The following MAPK4 variants were observed in gnomAD, a reference collection of about 807,000 sequenced individuals.
MAPK4 encodes mitogen-activated protein kinase 4.
A neutral mutation model predicts 47.7 loss-of-function variants in MAPK4; 22 were observed. The ratio of observed to expected loss-of-function variants is 0.46; its 90% confidence interval spans 0.33 to 0.66. MAPK4 has a LOEUF of 0.66. MAPK4 is among the 30% of genes least tolerant of loss of function. The pLI, the probability that MAPK4 is intolerant of heterozygous loss-of-function variation, is 0.02. For synonymous variants in MAPK4, 390 were observed against 365.7 expected (o/e 1.07, Z -0.76); for missense variants, 736 against 831.7 (o/e 0.88, Z 1.42).
intron 1 of MAPK4, among the ~76,000 whole-genome samples, chr18:50,624,928 G>A (rs991251618): frequency 7.9e-5 from 12 of 152,098 alleles, no homozygotes; most frequent in Admixed American, 1.3e-4. Context: ...AGCTTAAAGA[G>A]TGTTGGGTCA....
At chr18:50,691,028 T>C (rs1909185017) in intron 2 of MAPK4, among the ~76,000 whole-genome samples, 1 of 151,728 alleles carries the variant, frequency 6.6e-6, no homozygotes, top group African/African-American at 2.4e-5. Context: ...GGTCTCGCTG[T>C]GTCGCCCAGG....
intron 2 of MAPK4, chr18:50,704,723 A>G: frequency 5.0e-6 from 2 of 398,610 alleles, no homozygotes; most frequent in Non-Finnish European, 8.8e-6. Context: ...GGCCTAATGG[A>G]GGACTCTGTG....
intron 2 of MAPK4, among the ~76,000 whole-genome samples, chr18:50,702,874 C>T (rs16952429): frequency 0.016 from 2,461 of 152,296 alleles, 61 homozygotes; most frequent in African/African-American, 0.056. Flanking sequence ...TTTATAAAGG[C>T]CTGTTAAAAG....
Position 50,726,062 on chromosome 18 carries a change from T to G in MAPK4, c.954T>G (p.Pro318=), listed in dbSNP as rs1399676644. 6.2e-7 allele frequency: 1 copy of G among 1,614,084 alleles called. No homozygotes were observed. The highest frequency in any genetic ancestry group is 8.5e-7 in the Non-Finnish European group (1 of 1,180,018). Residue 318 remains proline, a synonymous_variant, in exon 5 of 6, where the codon CCT becomes CCG. Transcript: ENST00000400384. ...QHPYMSPYSC[P]EDEPTSQHPF... ...CCTACATGAGCCCATACTCGTGCCC[T>G]GAGGACGAGCCCACCTCACAACACC...
chr18:50,688,655 A>G (rs187896998), intron 2 of MAPK4, among the ~76,000 whole-genome samples: 2 of 152,086 alleles, frequency 1.3e-5, no homozygotes, highest in Non-Finnish European at 2.9e-5. Context: ...CAAACATTGT[A>G]TGTTCTCACT....
At chr18:50,650,982 C>T (rs1276163806) in intron 1 of MAPK4, among the ~76,000 whole-genome samples, 1 of 152,194 alleles carries the variant, frequency 6.6e-6, no homozygotes, top group Non-Finnish European at 1.5e-5. Context: ...ATGGGTTGGG[C>T]CTGCTCCAAA....
At chr18:50,692,991 C>T (rs989953934) in intron 2 of MAPK4, among the ~76,000 whole-genome samples, 3 of 152,182 alleles carry the variant, frequency 2.0e-5, no homozygotes, top group Non-Finnish European at 2.9e-5. Context: ...CACGGTGGCT[C>T]ACGCCTGTAA....
Position 50,716,590 on chromosome 18 carries a change from G to C in MAPK4, c.691+1367G>C, listed in dbSNP as rs1598949269. ...GTGAGGCCAGTCTCCACACGCTCTG[G>C]CTGCAGCATGAGCCCCGTGGGCCTG... On this transcript the variant is annotated intron_variant, in intron 3 of 5. Coordinates refer to ENST00000400384, the MANE Select transcript of MAPK4 (RefSeq NM_002747.4). Among the ~76,000 whole-genome samples, 5 of 152,184 alleles carry C rather than the reference G, an allele frequency of 3.3e-5. No homozygotes were observed. The South Asian group carries it at 1.0e-3, about 31-fold the overall frequency.
chr18:50,726,264 C>G, intron 5 of MAPK4, 89 bp downstream of exon 5: 5 of 1,283,160 alleles, frequency 3.9e-6, no homozygotes, highest in Non-Finnish European at 5.5e-6. Context: ...TCCCCTCTGT[C>G]TCCCAAGTTG....
intron 1 of MAPK4, among the ~76,000 whole-genome samples, chr18:50,624,408 C>G (rs906991771): frequency 6.6e-6 from 1 of 152,172 alleles, no homozygotes; most frequent in Non-Finnish European, 1.5e-5. Flanking sequence ...GAAATCAACA[C>G]GTGGGCAGTG....
chr18:50,579,310 C>T (rs1365443795), intron 1 of MAPK4, among the ~76,000 whole-genome samples: 1 of 152,168 alleles, frequency 6.6e-6, no homozygotes, highest in African/African-American at 2.4e-5. Flanking sequence ...TTGGCCTCTG[C>T]TCAGGATTTT....
chr18:50,723,070 G>A (rs949345594), intron 4 of MAPK4, among the ~76,000 whole-genome samples: 2 of 152,224 alleles, frequency 1.3e-5, no homozygotes, highest in Non-Finnish European at 2.9e-5. Context: ...TACAGTAGCA[G>A]ATAACCCTGA....
chr18:50,633,826 C>G (rs536404550), intron 1 of MAPK4, among the ~76,000 whole-genome samples: 2 of 152,272 alleles, frequency 1.3e-5, no homozygotes, highest in Non-Finnish European at 2.9e-5. Context: ...GTGGTCACTT[C>G]TGGAGAATTG....
chr18:50,578,200 C>T (rs111533974), intron 1 of MAPK4, among the ~76,000 whole-genome samples: 1,730 of 152,258 alleles, frequency 0.011, 38 homozygotes, highest in African/African-American at 0.039. Context: ...TTTTAAACTG[C>T]GAGCGCTCAG....
At chr18:50,638,043 G>T (rs1249288513) in intron 1 of MAPK4, among the ~76,000 whole-genome samples, 1 of 152,222 alleles carries the variant, frequency 6.6e-6, no homozygotes, top group African/African-American at 2.4e-5. Context: ...AGGGCATCAT[G>T]CATGTAAAGG....
intron 1 of MAPK4, among the ~76,000 whole-genome samples, chr18:50,648,316 C>A (rs1394405052): frequency 6.6e-6 from 1 of 152,090 alleles, no homozygotes; most frequent in Non-Finnish European, 1.5e-5. Flanking sequence ...GGGAAGATCA[C>A]CCCATTCTGT....
At chr18:50,580,372 G>A (rs1242220062) in intron 1 of MAPK4, among the ~76,000 whole-genome samples, 1 of 152,230 alleles carries the variant, frequency 6.6e-6, no homozygotes, top group African/African-American at 2.4e-5. Flanking sequence ...TGAGAAGGGT[G>A]AGAAGGGCAG....
rs115672075 is a variant in MAPK4 at position 50,579,181 on chromosome 18, A to G, written c.-871+18938A>G. 2.6e-3 allele frequency among the ~76,000 whole-genome samples: 395 copies of G among 152,236 alleles called. 2 individuals carry two copies. Among genetic ancestry groups the G allele is most frequent in the African/African-American group, 9.2e-3 (381 of 41,520 alleles). ...CTGCTCATTGCCTGCAAGTTGGAAA[A>G]TGGACTGGAGAGAACATGCACGTGC... On this transcript the variant is annotated intron_variant, in intron 1 of 5. Coordinates refer to ENST00000400384, the MANE Select transcript of MAPK4 (RefSeq NM_002747.4).
chr18:50,707,380 G>A (rs750696155), intron 2 of MAPK4, among the ~76,000 whole-genome samples: 15 of 152,052 alleles, frequency 9.9e-5, no homozygotes, highest in South Asian at 4.2e-4. Context: ...GAGCAGCCTC[G>A]GCAAAATGGC....
Sources: gnomAD v4.1 joint callset for allele counts (sites outside exome capture counted in the v4.1 genomes callset) on GRCh38, gnomAD v4.1.1 for gene constraint, MANE v1.5 for transcripts, NCBI Gene and HGNC (gene_info 2026-07-23, HGNC 2026-07-21) for gene names.